OSBPL10: variants seen among roughly 807,000 people sequenced by gnomAD.
The protein encoded by OSBPL10 is oxysterol binding protein like 10, also known as oxysterol-binding protein-related protein 10.
OSBPL10 carries 49 observed loss-of-function variants against 81.7 expected under a neutral mutation model. That is an observed-to-expected ratio of 0.60 (90% confidence interval 0.48 to 0.76). OSBPL10 has a LOEUF of 0.76. Among genes scored for constraint, OSBPL10 ranks in the 30% least tolerant of loss-of-function variants. The pLI is 0.00. For missense variants in OSBPL10, 923 were observed against 987.8 expected (o/e 0.93, Z 0.88); for synonymous variants, 419 against 383.6 (o/e 1.09, Z -1.08).
chr3:31,871,883 C>G (rs935985818), intron 3 of OSBPL10, among the ~76,000 whole-genome samples: 2 of 152,154 alleles, frequency 1.3e-5, no homozygotes, highest in Admixed American at 6.5e-5. Context: ...CACACATGCA[C>G]ACGCACACAC....
intron 1 of OSBPL10, among the ~76,000 whole-genome samples, chr3:31,888,896 C>A (rs572064681): frequency 5.2e-4 from 79 of 152,100 alleles, no homozygotes; most frequent in Admixed American, 9.8e-4. Flanking sequence ...TGCACTCCAG[C>A]CTGGGTGACA....
rs62244404 is a variant in OSBPL10, at chr3:31,995,891, G to A, written n.298+50600C>T. On this transcript the variant is annotated intron_variant and non_coding_transcript_variant, in intron 2 of 3. Transcript: ENST00000479173. Reference sequence around the variant, plus strand: ...AGTGTGATCAATGCAGTGCAAAGCCGCTGTTAATAACCATCCATGACATCT... The same window carrying A: ...AGTGTGATCAATGCAGTGCAAAGCCACTGTTAATAACCATCCATGACATCT... 3.9e-3 allele frequency among the ~76,000 whole-genome samples: 591 copies of A among 152,276 alleles called. 4 individuals carry two copies. Among genetic ancestry groups the A allele is most frequent in the Middle Eastern group, 0.024 (7 of 294 alleles).
In OSBPL10 at chr3:31,661,189, A is replaced by G. The variant is rs1425520778; in HGVS notation, c.*883T>C. 6.6e-6 allele frequency: 1 copy of G among 152,604 alleles called. No homozygotes were observed. The highest frequency in any genetic ancestry group is 2.4e-5 in the African/African-American group (1 of 41,430). 9.5% of individuals were successfully genotyped at this position (152,604 alleles called of 1,614,324 possible). A position where few individuals can be genotyped will look rare whatever the true frequency, so the allele number is the denominator to read the frequency against. ...ACTTGAGGAAAAAATAATCCACAGG[A>G]AATTCTCTTCTCTTTCCCCAAACTA... is the stretch of plus-strand genomic sequence containing the variant. On this transcript the variant is annotated 3_prime_UTR_variant, in exon 12 of 12. Transcript: ENST00000396556.
chr3:32,039,373 AG>A, intron 2 of OSBPL10, among the ~76,000 whole-genome samples: 3 of 138,778 alleles, frequency 2.2e-5, no homozygotes, highest in South Asian at 4.7e-4. Flanking sequence ...AAAAAAAAAG[AG>A]GGCTGGGTAT....
intron 2 of OSBPL10, among the ~76,000 whole-genome samples, chr3:32,021,220 T>G (rs879243749): frequency 6.6e-6 from 1 of 152,218 alleles, no homozygotes; most frequent in African/African-American, 2.4e-5. Flanking sequence ...TGGGACATAA[T>G]TAAGTCCATA....
At chr3:31,740,160 C>T (rs915438971) in intron 5 of OSBPL10, among the ~76,000 whole-genome samples, 12 of 151,886 alleles carry the variant, frequency 7.9e-5, no homozygotes, top group African/African-American at 2.9e-4. Context: ...TCTCCTGCCT[C>T]AGCCTCCCAA....
chr3:31,903,893 A>G (rs1696328566), intron 1 of OSBPL10, among the ~76,000 whole-genome samples: 2 of 152,182 alleles, frequency 1.3e-5, no homozygotes, highest in African/African-American at 4.8e-5. Flanking sequence ...TTGTCAGGAC[A>G]TGTCAAATAT....
At position 32,044,144 on chromosome 3, in the gene OSBPL10, T is replaced by A. The variant is rs116772239; in HGVS notation, n.298+2347A>T. ...CAAAAGAAAATTCCACATATTTATA[T>A]TGAAACCAAGCCAAGCTGTGGTCTT... is the stretch of plus-strand genomic sequence containing the variant. On this transcript the variant is annotated intron_variant and non_coding_transcript_variant, in intron 2 of 3. Transcript: ENST00000479173. Among the ~76,000 whole-genome samples, 7 of 152,290 alleles carry A rather than the reference T, an allele frequency of 4.6e-5. No homozygotes were observed. In the South Asian group the frequency reaches 1.5e-3, roughly 32 times the overall value.
chr3:32,047,960 C>G (rs912764422), intron 1 of OSBPL10, among the ~76,000 whole-genome samples: 6 of 152,098 alleles, frequency 3.9e-5, no homozygotes, highest in Admixed American at 3.3e-4. Context: ...CCACCACGCC[C>G]GGCCTACAAC....
intron 3 of OSBPL10, among the ~76,000 whole-genome samples, chr3:31,831,810 A>T (rs1252125349): frequency 1.3e-5 from 2 of 152,198 alleles, no homozygotes; most frequent in African/African-American, 4.8e-5. Context: ...TGAGAACAGC[A>T]ATCAGCAGAC....
intron 3 of OSBPL10, among the ~76,000 whole-genome samples, chr3:31,842,201 A>G (rs994156437): frequency 6.6e-6 from 1 of 152,240 alleles, no homozygotes; most frequent in African/African-American, 2.4e-5. Flanking sequence ...GTCTGTATAC[A>G]TAATGGTGGA....
intron 2 of OSBPL10, among the ~76,000 whole-genome samples, chr3:32,025,833 T>C (rs1011631762): frequency 1.3e-5 from 2 of 152,166 alleles, no homozygotes; most frequent in Non-Finnish European, 2.9e-5. Context: ...ATTCCTGATT[T>C]TGTGTCTCTT....
rs546516881 is a variant in OSBPL10 at position 32,007,167 on chromosome 3, G to A, written n.298+39324C>T. 1.5e-3 allele frequency among the ~76,000 whole-genome samples: 224 copies of A among 152,116 alleles called. 2 individuals are homozygous for A. The highest frequency in any genetic ancestry group is 2.1e-3 in the Non-Finnish European group (145 of 68,012). ...ATAAAATATTCTCTTTAGGCATGAT[G>A]AAATTTTTGTTTTTATGTCCATATG... On this transcript the variant is annotated intron_variant and non_coding_transcript_variant, in intron 2 of 3. Coordinates refer to the OSBPL10 transcript ENST00000479173.
At position 31,733,350 on chromosome 3, in the gene OSBPL10, T is replaced by G; in HGVS notation, c.1002A>C (p.Thr334=). 6.2e-7 allele frequency: 1 copy of G among 1,613,960 alleles called. No individual in the cohort carries two copies. Residue 334 remains threonine (T), a synonymous_variant, in exon 6 of 12, where the codon ACA becomes ACC. Transcript: ENST00000396556. ...SHSTEQLKNG[T]LGSLPSASAN... ...CACTGGCTGATGGCAAAGAGCCAAG[T>G]GTCCCATTTTTCAGCTGCTCTGTGG...
chr3:31,961,950 G>C (rs1369370902), intron 1 of OSBPL10, among the ~76,000 whole-genome samples: 1 of 147,534 alleles, frequency 6.8e-6, no homozygotes, highest in Non-Finnish European at 1.5e-5. Context: ...GGGGAGGGTT[G>C]CTTTTTTTTA....
intron 3 of OSBPL10, among the ~76,000 whole-genome samples, chr3:31,857,741 C>A (rs1381902046): frequency 1.7e-4 from 1 of 5,888 alleles, no homozygotes; most frequent in African/African-American, 6.3e-4. Flanking sequence ...GCAACCACTA[C>A]TACTAGCCTC....
chr3:31,962,201 C>T (rs940169483), intron 1 of OSBPL10, among the ~76,000 whole-genome samples: 2 of 152,128 alleles, frequency 1.3e-5, no homozygotes, highest in Non-Finnish European at 2.9e-5. Flanking sequence ...AGGTGATCTG[C>T]CCACCTTGGC....
intron 4 of OSBPL10, among the ~76,000 whole-genome samples, chr3:31,827,791 T>C (rs1053444321): frequency 2.0e-5 from 3 of 152,236 alleles, no homozygotes; most frequent in Non-Finnish European, 4.4e-5. Flanking sequence ...TAATTTTCTT[T>C]ATACATTTTT....
chr3:31,944,833 TAAAAAAAAAAAAAAAAAAAAAAA>T (rs869140991), intron 1 of OSBPL10, among the ~76,000 whole-genome samples: 24 of 55,118 alleles, frequency 4.4e-4, no homozygotes, highest in Non-Finnish European at 7.7e-4. Context: ...CCCCTCTCTT[TAAAAAAAAAAAAAAAAAAAAAAA>T]AAAAAAAAAA....
Sources: allele counts gnomAD v4.1 joint callset (sites outside exome capture counted in the v4.1 genomes callset), GRCh38; gene constraint gnomAD v4.1.1; transcripts MANE v1.5; gene names NCBI Gene and HGNC (gene_info 2026-07-23, HGNC 2026-07-21).